STK3: variants seen among roughly 807,000 people sequenced by gnomAD.
STK3 encodes the protein serine/threonine-protein kinase 3.
Under a neutral mutation model 58.0 loss-of-function variants are expected in STK3, and 41 were observed. The ratio of observed to expected loss-of-function variants is 0.71; its 90% CI spans 0.55 to 0.92. STK3 has a LOEUF of 0.92. Ranked by LOEUF, STK3 falls within the 40% of genes least tolerant of loss-of-function variation. The pLI is 0.00. For synonymous variants in STK3, 170 were observed against 191.0 expected, an observed-to-expected ratio of 0.89 and a Z score of 0.91; for missense variants, 479 against 602.7, an observed-to-expected ratio of 0.79 and a Z score of 2.15.
chr8:98,653,818 C>A (rs1384397565), intron 6 of STK3, among the ~76,000 whole-genome samples: 8 of 152,198 alleles, frequency 5.3e-5, no homozygotes, highest in South Asian at 2.1e-4. Flanking sequence ...CAATAACAGG[C>A]TCTGAAATTG....
intron 1 of STK3, among the ~76,000 whole-genome samples, chr8:98,929,802 T>A (rs1839941998): frequency 6.6e-6 from 1 of 152,234 alleles, no homozygotes; most frequent in Admixed American, 6.5e-5. Context: ...ATCATGATTT[T>A]CTCTGTCTTC....
chr8:98,755,424 G>A (rs1045206567), intron 3 of STK3, among the ~76,000 whole-genome samples: 54 of 152,296 alleles, frequency 3.5e-4, no homozygotes, highest in African/African-American at 1.2e-3. Context: ...ACTTTATTTT[G>A]TATTCACCAT....
chr8:98,711,545 T>A (rs1326716770), intron 4 of STK3, among the ~76,000 whole-genome samples: 1 of 151,972 alleles, frequency 6.6e-6, no homozygotes, highest in African/African-American at 2.4e-5. Flanking sequence ...TGATGGAAGA[T>A]CAAATGAATG....
At chr8:98,697,363 T>A (rs2130999103) in intron 6 of STK3, among the ~76,000 whole-genome samples, 1 of 152,338 alleles carries the variant, frequency 6.6e-6, no homozygotes, top group South Asian at 2.1e-4. Context: ...TTCCTTCAGT[T>A]CTACTCTGAT....
At chr8:98,589,616 T>C (rs1189006581) in intron 7 of STK3, among the ~76,000 whole-genome samples, 2 of 152,248 alleles carry the variant, frequency 1.3e-5, no homozygotes, top group African/African-American at 4.8e-5. Context: ...TGAGCTGTGG[T>C]GGGCTCCACC....
intron 6 of STK3, among the ~76,000 whole-genome samples, chr8:98,610,180 A>C (rs2130188816): frequency 1.0e-5 from 1 of 98,272 alleles, no homozygotes; most frequent in African/African-American, 5.7e-5. Context: ...AATGTACCAA[A>C]ATGTTTCAAA....
chr8:98,429,989 G>A, intron 3 of STK3: 1 of 167,336 alleles, frequency 6.0e-6, no homozygotes. Flanking sequence ...TCTCTAAGTT[G>A]TTTTTATAAA....
At chr8:98,914,326 C>T (rs1232198576) in intron 1 of STK3, among the ~76,000 whole-genome samples, 1 of 151,930 alleles carries the variant, frequency 6.6e-6, no homozygotes, top group Admixed American at 6.6e-5. Context: ...ATCGCTCACT[C>T]GAGCCTAGGA....
chr8:98,808,857 G>A (rs1340087762), intron 1 of STK3, among the ~76,000 whole-genome samples: 1 of 152,194 alleles, frequency 6.6e-6, no homozygotes, highest in Non-Finnish European at 1.5e-5. Flanking sequence ...AGTGGGTAGG[G>A]AAGCTGGTCA....
chr8:98,790,577 G>A (rs187336300), intron 1 of STK3, among the ~76,000 whole-genome samples: 9 of 152,288 alleles, frequency 5.9e-5, no homozygotes, highest in African/African-American at 2.2e-4. Flanking sequence ...ATAGGAAAAA[G>A]CTGAAAGCAC....
In STK3 at chr8:98,547,981, C is replaced by T. The variant is rs1284949342; in HGVS notation, c.1129G>A (p.Gly377Arg). The change falls in exon 9 of 11, where the codon GGA becomes AGA. Residue 377 changes from glycine (G) to arginine (R), a missense_variant. Gly to Arg is a moderately radical substitution (Grantham distance 125). Coordinates refer to ENST00000419617, the MANE Select transcript of STK3 (RefSeq NM_006281.4). The part of the protein sequence containing the change: ...INSEDEEEED[G>R]TMKRNATSPQ... ...AAAAGCCACATACTTTTCATAGTTC[C>T]ATCTTCTTCTTCCTCATCCTCACTG... 2 of 1,588,074 alleles carry T rather than the reference C, an allele frequency of 1.3e-6. No homozygotes were observed. Among genetic ancestry groups the T allele is most frequent in the Admixed American group, 3.7e-5 (2 of 54,190 alleles).
At chr8:98,927,815 G>C (rs1390055464) in intron 1 of STK3, among the ~76,000 whole-genome samples, 1 of 152,306 alleles carries the variant, frequency 6.6e-6, no homozygotes, top group South Asian at 2.1e-4. Flanking sequence ...CTAGGCCACA[G>C]AGTGGGAGCT....
chr8:98,683,114 G>A (rs1823754043), intron 6 of STK3, among the ~76,000 whole-genome samples: 1 of 151,472 alleles, frequency 6.6e-6, no homozygotes, highest in Non-Finnish European at 1.5e-5. Flanking sequence ...CAAAATTAAG[G>A]GTGCCCACTA....
intron 10 of STK3, among the ~76,000 whole-genome samples, chr8:98,524,030 T>A (rs1825570924): frequency 1.3e-5 from 2 of 152,250 alleles, no homozygotes; most frequent in Non-Finnish European, 2.9e-5. Context: ...AATTTTTGTA[T>A]ATGGTGTAAA....
intron 10 of STK3, among the ~76,000 whole-genome samples, chr8:98,491,941 T>C (rs1032772955): frequency 6.6e-6 from 1 of 152,182 alleles, no homozygotes; most frequent in Non-Finnish European, 1.5e-5. Flanking sequence ...TCCACTTACA[T>C]GCTTTAACAA....
intron 3 of STK3, among the ~76,000 whole-genome samples, chr8:98,753,310 T>C (rs929581502): frequency 5.9e-5 from 9 of 152,346 alleles, no homozygotes; most frequent in Admixed American, 4.6e-4. Flanking sequence ...AACAAAGTCA[T>C]GTCCTTTGCA....
chr8:98,898,202 G>A (rs753116052), intron 1 of STK3, among the ~76,000 whole-genome samples: 6 of 152,190 alleles, frequency 3.9e-5, no homozygotes, highest in Admixed American at 2.6e-4. Flanking sequence ...GCCTGATGCC[G>A]GACCTTATGG....
At chr8:98,563,105 T>C (rs1338544995) in intron 8 of STK3, among the ~76,000 whole-genome samples, 1 of 151,718 alleles carries the variant, frequency 6.6e-6, no homozygotes, top group Non-Finnish European at 1.5e-5. Context: ...TAAGTAACTT[T>C]GGAGTAAGTG....
chr8:98,407,973 G>A (rs1366725912), intron 3 of STK3, among the ~76,000 whole-genome samples: 1 of 152,200 alleles, frequency 6.6e-6, no homozygotes, highest in Non-Finnish European at 1.5e-5. Flanking sequence ...TATACTCGCA[G>A]TGAACCTGCA....
Sources: allele counts gnomAD v4.1 joint callset (sites outside exome capture counted in the v4.1 genomes callset), GRCh38; gene constraint gnomAD v4.1.1; transcripts MANE v1.5; gene names NCBI Gene and HGNC (gene_info 2026-07-23, HGNC 2026-07-21).